Variants in DNAAF11 observed in about 807,000 individuals in gnomAD.
The protein encoded by DNAAF11 is leucine rich repeat containing 6.
DNAAF11 carries 45 observed loss-of-function variants against 60.8 expected under a neutral mutation model. The observed-to-expected ratio is 0.74, with a 90% CI of 0.58 to 0.95. DNAAF11 has a LOEUF of 0.95. Among genes scored for constraint, DNAAF11 ranks in the 40% least tolerant of loss-of-function variants. The probability of loss-of-function intolerance (pLI) is 0.00; values close to 1 mark genes in which losing one functional copy is unlikely to be tolerated. For missense variants in DNAAF11, 546 were observed against 546.2 expected (o/e 1.00, Z 0.00); for synonymous variants, 191 against 183.5 (o/e 1.04, Z -0.33).
the DNAAF11 span, among the ~76,000 whole-genome samples, chr8:132,701,660 C>T: frequency 1.3e-5 from 2 of 152,220 alleles, no homozygotes; most frequent in South Asian, 4.1e-4. Flanking sequence ...TTATGTCCTG[C>T]TTCCCTTTGG....
chr8:132,699,203 A>G, the DNAAF11 span, among the ~76,000 whole-genome samples: 3 of 151,848 alleles, frequency 2.0e-5, no homozygotes, highest in African/African-American at 7.2e-5. Context: ...GTGCCTGAAT[A>G]GGGAGAACAT....
chr8:132,583,696 T>G lies in DNAAF11; in HGVS notation c.1224A>C (p.Thr408=), dbSNP rs1337196470. 3 of 1,612,468 alleles carry G rather than the reference T, an allele frequency of 1.9e-6. No homozygotes were observed. The highest frequency in any genetic ancestry group is 2.5e-6 in the Non-Finnish European group (3 of 1,178,764). Residue 408 remains threonine (T), a splice_region_variant and synonymous_variant, in exon 11 of 12, where the codon ACA becomes ACC. Transcript: ENST00000620350. ...TSDRSREQTN[T]RSKHMEKLEV... is the part of the protein sequence containing the mutation. ...AGGACAGTCTGGGAGGGTGGTACCT[T>G]GTATTTGTTTGTTCTCTGCTCCTGT... is the stretch of plus-strand genomic sequence containing the variant.
rs1300473359 is a variant in DNAAF11 at position 132,625,328 on chromosome 8, T to C, written c.780A>G (p.Ser260=). The C allele has an allele frequency of 1.2e-6, 2 of 1,612,984 alleles. No individual in the cohort carries two copies. Among genetic ancestry groups the C allele is most frequent in the African/African-American group, 2.7e-5 (2 of 74,904 alleles). ...WNKPCLFTPE[S]RLETLRHMEK... ...CCATGTGTCTAAGAGTTTCCAATCT[T>C]GATTCAGGAGTAAACAAACAGGGCT... Residue 260 remains serine (S), a synonymous_variant, in exon 6 of 12, where the codon TCA becomes TCG. Coordinates refer to ENST00000620350, the MANE Select transcript of DNAAF11 (RefSeq NM_012472.6).
intron 7 of DNAAF11, among the ~76,000 whole-genome samples, chr8:132,617,595 C>A (rs865775246): frequency 3.1e-4 from 47 of 152,274 alleles, no homozygotes; most frequent in African/African-American, 9.9e-4. Context: ...GCAAATTTTC[C>A]TAATTGAATA....
intron 10 of DNAAF11, among the ~76,000 whole-genome samples, chr8:132,585,449 C>G (rs1477575129): frequency 1.3e-5 from 2 of 152,114 alleles, no homozygotes; most frequent in East Asian, 3.9e-4. Context: ...TCAGCTCCAC[C>G]CTTTCAATAT....
chr8:132,700,614 A>G, the DNAAF11 span, among the ~76,000 whole-genome samples: 1 of 151,918 alleles, frequency 6.6e-6, no homozygotes, highest in Admixed American at 6.6e-5. Flanking sequence ...CTTGAGCCCA[A>G]GGGTTCTAGG....
chr8:132,690,069 A>G, the DNAAF11 span, among the ~76,000 whole-genome samples: 1 of 152,186 alleles, frequency 6.6e-6, no homozygotes, highest in Admixed American at 6.5e-5. Flanking sequence ...TACCTGCATT[A>G]TTTTTAATTA....
chr8:132,651,114 C>G (rs1231329888), intron 3 of DNAAF11, among the ~76,000 whole-genome samples: 1 of 152,044 alleles, frequency 6.6e-6, no homozygotes, highest in Admixed American at 6.6e-5. Context: ...GCTCAGTGAC[C>G]CTCTGGGGTC....
chr8:132,612,643 G>A (rs956299516), intron 8 of DNAAF11, among the ~76,000 whole-genome samples: 1 of 151,758 alleles, frequency 6.6e-6, no homozygotes, highest in African/African-American at 2.4e-5. Context: ...CCCCCACAGG[G>A]CTCTAAGTGA....
At chr8:132,699,134 GAA>G in the DNAAF11 span, among the ~76,000 whole-genome samples, 2 of 133,794 alleles carry the variant, frequency 1.5e-5, no homozygotes. Flanking sequence ...GTCTCAAAAA[GAA>G]AAAAAAAAAA....
At chr8:132,646,013 G>A (rs185080623) in intron 3 of DNAAF11, among the ~76,000 whole-genome samples, 5 of 152,262 alleles carry the variant, frequency 3.3e-5, no homozygotes, top group Admixed American at 6.5e-5. Context: ...CTTGAGAAGA[G>A]CAACTCCAGG....
chr8:132,683,720 G>A, the DNAAF11 span, among the ~76,000 whole-genome samples: 1 of 152,154 alleles, frequency 6.6e-6, no homozygotes, highest in African/African-American at 2.4e-5. Context: ...TTTCTCATGT[G>A]TTACTTTTGA....
At chr8:132,601,042 T>A (rs1287351441) in intron 10 of DNAAF11, among the ~76,000 whole-genome samples, 1 of 152,092 alleles carries the variant, frequency 6.6e-6, no homozygotes, top group Non-Finnish European at 1.5e-5. Context: ...AGGGCTAATA[T>A]CCAGAATCTA....
chr8:132,613,386 G>A (rs1388530326), intron 8 of DNAAF11, among the ~76,000 whole-genome samples: 1 of 152,216 alleles, frequency 6.6e-6, no homozygotes, highest in African/African-American at 2.4e-5. Context: ...CAACAACATG[G>A]ATGAGGCTTG....
intron 10 of DNAAF11, among the ~76,000 whole-genome samples, chr8:132,603,194 T>C (rs112694467): frequency 1.5e-3 from 227 of 152,276 alleles, no homozygotes; most frequent in African/African-American, 5.2e-3. Flanking sequence ...CTTCTTAAGT[T>C]CTCAGTGTGA....
At chr8:132,695,250 G>A in the DNAAF11 span, among the ~76,000 whole-genome samples, 1 of 152,132 alleles carries the variant, frequency 6.6e-6, no homozygotes, top group Admixed American at 6.5e-5. Context: ...AATGGAGGAG[G>A]GGAATTGTTC....
intron 10 of DNAAF11, among the ~76,000 whole-genome samples, chr8:132,585,541 GA>G (rs1198611095): frequency 2.0e-5 from 3 of 151,962 alleles, no homozygotes; most frequent in African/African-American, 7.2e-5. Flanking sequence ...AGCTCCAGAA[GA>G]AAAAAATAAT....
intron 10 of DNAAF11, among the ~76,000 whole-genome samples, chr8:132,594,814 C>T (rs950535880): frequency 2.0e-5 from 3 of 152,288 alleles, no homozygotes; most frequent in South Asian, 4.1e-4. Context: ...AATTAAACCT[C>T]TTTTCCTTAT....
chr8:132,586,016 C>T (rs2131032395), intron 10 of DNAAF11, among the ~76,000 whole-genome samples: 1 of 152,138 alleles, frequency 6.6e-6, no homozygotes, highest in African/African-American at 2.4e-5. Flanking sequence ...CTATTGATTC[C>T]AGTTATAGTT....
Sources: allele counts gnomAD v4.1 joint callset (sites outside exome capture counted in the v4.1 genomes callset), GRCh38; gene constraint gnomAD v4.1.1; transcripts MANE v1.5; gene names NCBI Gene and HGNC (gene_info 2026-07-23, HGNC 2026-07-21).